The following MYCBP2 variants were observed in gnomAD, a reference collection of about 807,000 sequenced individuals.
The protein encoded by MYCBP2 is MYC binding protein 2.
Under a neutral mutation model 525.3 loss-of-function variants are expected in MYCBP2, and 120 were observed. The observed-to-expected ratio is 0.23, with a 90% CI of 0.20 to 0.27. The LOEUF is 0.27. MYCBP2 is among the 10% of genes least tolerant of loss of function. The pLI, the probability that MYCBP2 is intolerant of heterozygous loss-of-function variation, is 1.00. For synonymous variants in MYCBP2, 1,894 were observed against 1,955.8 expected (o/e 0.97, Z 0.83); for missense variants, 4,149 against 5,657.1 (o/e 0.73, Z 8.55).
intron 13 of MYCBP2, among the ~76,000 whole-genome samples, chr13:77,258,874 G>C (rs1478920090): frequency 2.0e-5 from 3 of 151,844 alleles, no homozygotes; most frequent in Admixed American, 1.3e-4. Context: ...TTTTTTGCAG[G>C]TAGAAAAAAA....
chr13:77,070,601 A>T, intron 69 of MYCBP2, 30 bp downstream of exon 69: 1 of 1,474,380 alleles, frequency 6.8e-7, no homozygotes, highest in Non-Finnish European at 9.5e-7. Flanking sequence ...CACAAAACTA[A>T]TGAAGACAAT....
In MYCBP2 at chr13:77,078,775, G is replaced by A. The variant is rs141386907; in HGVS notation, c.11484+49C>T. The A allele has an allele frequency of 1.3e-3, 1,863 of 1,485,100 alleles. 6 individuals are homozygous for A. Among genetic ancestry groups the A allele is most frequent in the Middle Eastern group, 8.6e-3 (50 of 5,782 alleles). The allele number at this position is 1,485,100 out of a possible 1,614,324, so 92.0% of individuals were successfully genotyped here. A position where few individuals can be genotyped will look rare whatever the true frequency, so the allele number is the denominator to read the frequency against. ...ATTCAATAGTGAAGGCTGAGAAGAA[G>A]AAATTTCTCTCTAGGTAGCGAAACA... On this transcript the variant is annotated intron_variant, in intron 66 of 82. Transcript: ENST00000544440.
intron 32 of MYCBP2, among the ~76,000 whole-genome samples, chr13:77,183,416 T>A (rs2060403215): frequency 6.6e-6 from 1 of 152,070 alleles, no homozygotes; most frequent in Non-Finnish European, 1.5e-5. Flanking sequence ...ATGAGGCAAT[T>A]CAGATTTTTC....
rs1332129811 is a variant in MYCBP2 at position 77,156,140 on chromosome 13, T to C, written c.6833A>G (p.Asp2278Gly). Residue 2278 changes from aspartate (D) to glycine (G), a missense_variant, in exon 46 of 83, where the codon GAT (aspartate) becomes GGT (glycine). Coordinates refer to ENST00000544440, the MANE Select transcript of MYCBP2 (RefSeq NM_015057.5). ...QKTSLILNKD[D>G]IRCGWPTTIT... is the part of the protein sequence containing the mutation. ...GGTGGTAGGCCAACCACAACGAATA[T>C]CATCCTTATTCAGGATCAAAGATGT... 1.2e-5 allele frequency: 20 copies of C among 1,613,930 alleles called. No individual in the cohort carries two copies. The highest frequency in any genetic ancestry group is 1.5e-5 in the Non-Finnish European group (18 of 1,179,936).
At chr13:77,143,145 A>C (rs1213408721) in intron 49 of MYCBP2, among the ~76,000 whole-genome samples, 1 of 152,222 alleles carries the variant, frequency 6.6e-6, no homozygotes, top group East Asian at 1.9e-4. Flanking sequence ...TATGTTTTTC[A>C]AAGTTAATGG....
intron 37 of MYCBP2, among the ~76,000 whole-genome samples, chr13:77,172,720 T>A (rs921338326): frequency 6.6e-6 from 1 of 152,180 alleles, no homozygotes; most frequent in African/African-American, 2.4e-5. Flanking sequence ...CTCCAAGGTG[T>A]CTGGCTGTAA....
At chr13:77,325,800 C>A (rs865808256) in intron 1 of MYCBP2, among the ~76,000 whole-genome samples, 1 of 152,304 alleles carries the variant, frequency 6.6e-6, no homozygotes. Context: ...GACCAAAAGG[C>A]CCGGTTATCA....
chr13:77,321,263 T>G (rs2081574999), intron 1 of MYCBP2, among the ~76,000 whole-genome samples: 1 of 152,234 alleles, frequency 6.6e-6, no homozygotes, highest in South Asian at 2.1e-4. Flanking sequence ...ATTTTTTTCT[T>G]CTCTTGAGTT....
chr13:77,236,940 C>T (rs2068016717), intron 17 of MYCBP2, among the ~76,000 whole-genome samples: 1 of 152,058 alleles, frequency 6.6e-6, no homozygotes, highest in Admixed American at 6.5e-5. Context: ...AAACACTACT[C>T]TTATACATTA....
At chr13:77,110,988 A>G (rs1266310965) in intron 55 of MYCBP2, among the ~76,000 whole-genome samples, 1 of 152,166 alleles carries the variant, frequency 6.6e-6, no homozygotes, top group East Asian at 1.9e-4. Context: ...AAAGGAGGAA[A>G]GACAATCTGA....
At position 77,243,954 on chromosome 13, in the gene MYCBP2, A is replaced by AG; in HGVS notation, c.2382-4dup. ...CTCCGGAACCACAACCACAGATCCT[A>AG]GGGGGAAATACAAAAAAAAAAAAAA... On this transcript the variant is annotated splice_polypyrimidine_tract_variant and splice_region_variant and intron_variant, in intron 15 of 82. Coordinates refer to ENST00000544440, the MANE Select transcript of MYCBP2 (RefSeq NM_015057.5). 7.3e-7 allele frequency: 1 copy of AG among 1,375,356 alleles called. No individual in the cohort carries two copies. The highest frequency in any genetic ancestry group is 9.4e-7 in the Non-Finnish European group (1 of 1,065,066). 85.2% of individuals were successfully genotyped at this position (1,375,356 alleles called of 1,614,324 possible).
intron 40 of MYCBP2, 78 bp from the exon 41 acceptor site, chr13:77,166,632 G>A (rs1389312415): frequency 3.4e-6 from 3 of 888,680 alleles, no homozygotes; most frequent in Non-Finnish European, 5.1e-6. Flanking sequence ...GTATGTGTGT[G>A]TGTGTCTATG....
At chr13:77,167,004 CACACACACACACACACACACA>C (rs2058613804) in intron 40 of MYCBP2, among the ~76,000 whole-genome samples, 1 of 150,920 alleles carries the variant, frequency 6.6e-6, no homozygotes, top group African/African-American at 2.4e-5. Context: ...CACACACACA[CACACACACACACACACACACA>C]CCAAATGAAA....
intron 73 of MYCBP2, among the ~76,000 whole-genome samples, chr13:77,063,739 C>G (rs1242594266): frequency 6.6e-6 from 1 of 151,788 alleles, no homozygotes; most frequent in Non-Finnish European, 1.5e-5. Flanking sequence ...ATACAGAAAG[C>G]AAGAGATGTT....
chr13:77,174,976 G>C (rs1595137900), intron 36 of MYCBP2, among the ~76,000 whole-genome samples: 1 of 49,292 alleles, frequency 2.0e-5, no homozygotes, highest in African/African-American at 7.0e-5. Flanking sequence ...TTTTTTCTGA[G>C]ACAGGATCTT....
At chr13:77,175,978 TA>T (rs1268789766) in intron 36 of MYCBP2, among the ~76,000 whole-genome samples, 2 of 142,530 alleles carry the variant, frequency 1.4e-5, no homozygotes, top group East Asian at 2.0e-4. Context: ...TAATAATAAT[TA>T]AAAAAAAATA....
chr13:77,081,399 G>A lies in MYCBP2; in HGVS notation c.11418+28C>T. 3 of 1,583,880 alleles carry A rather than the reference G, an allele frequency of 1.9e-6. No homozygotes were observed. Among genetic ancestry groups the A allele is most frequent in the Non-Finnish European group, 2.6e-6 (3 of 1,156,218 alleles). ...ATACTAAGATCTGAAAAGAGCTAAA[G>A]AGCCGTAAATCACGTTTGCTTTCTT... is the stretch of plus-strand genomic sequence containing the variant. On this transcript the variant is annotated intron_variant, in intron 65 of 82. Transcript: ENST00000544440. The surrounding 1 kb of genome is among the most constrained non-coding windows in gnomAD (Gnocchi z 4.6).
chr13:77,081,530 C>A lies in MYCBP2; in HGVS notation c.11315G>T (p.Gly3772Val). 6.2e-7 allele frequency: 1 copy of A among 1,613,716 alleles called. No homozygotes were observed. Among genetic ancestry groups the A allele is most frequent in the Non-Finnish European group, 8.5e-7 (1 of 1,179,876 alleles). ...CTTAGTTTTGTTTTTATCTTCATCT[C>A]CTGATTCCCAAAAGGTTTCTGTGGA... ...DGSTETFWESGDEDKNKTKNI... is the reference protein window; with the variant it reads ...DGSTETFWESVDEDKNKTKNI... Residue 3772 changes from glycine to valine, a missense_variant, in exon 65 of 83, where the codon GGA becomes GTA. By Grantham distance (109) the Gly-to-Val change is moderately radical. This residue lies in a region of MYCBP2 where 509 missense variants were observed against 789.4 expected (regional missense o/e 0.64). Coordinates refer to ENST00000544440, the MANE Select transcript of MYCBP2 (RefSeq NM_015057.5). This position sits in a 1 kb window ranked among gnomAD's most constrained non-coding sequence, Gnocchi z 4.6.
Position 77,140,878 on chromosome 13 carries a change from C to A in MYCBP2, c.7369G>T (p.Val2457Phe), listed in dbSNP as rs1476278760. ...KGMIPPGTQL[V>F]KPKSEPQPNK... is the part of the protein sequence containing the mutation. ...GGCTGAGGTTCAGACTTTGGTTTGA[C>A]CAACTGAGTTCCTGGTGGTATCATC... is the stretch of plus-strand genomic sequence containing the variant. The change falls in exon 50 of 83, where the codon GTC becomes TTC. Residue 2457 changes from valine (V) to phenylalanine (F), a missense_variant. By Grantham distance (50) the Val-to-Phe change is conservative. Around this residue, in one of 21 missense-constraint regions of MYCBP2, gnomAD observed 692 missense variants for 852.7 expected, o/e 0.81. Coordinates refer to ENST00000544440, the MANE Select transcript of MYCBP2 (RefSeq NM_015057.5). The A allele has an allele frequency of 1.2e-6, 2 of 1,612,910 alleles. No individual in the cohort carries two copies. Among genetic ancestry groups the A allele is most frequent in the Non-Finnish European group, 1.7e-6 (2 of 1,179,682 alleles).
Sources: gnomAD v4.1 joint callset for allele counts (sites outside exome capture counted in the v4.1 genomes callset) on GRCh38, gnomAD v4.1.1 for gene constraint, gnomAD v4.1.1 regional missense constraint, Gnocchi (gnomAD v3.1) non-coding constraint, MANE v1.5 for transcripts, NCBI Gene and HGNC (gene_info 2026-07-23, HGNC 2026-07-21) for gene names.